The following PMPCB variants were observed in gnomAD, a reference collection of about 807,000 sequenced individuals.
PMPCB encodes the protein peptidase, mitochondrial processing subunit beta.
PMPCB carries 46 observed loss-of-function variants against 61.5 expected under a neutral mutation model. The ratio of observed to expected loss-of-function variants is 0.75; its 90% confidence interval spans 0.59 to 0.96. The LOEUF (loss-of-function observed/expected upper bound fraction) is 0.96. PMPCB is among the 40% of genes least tolerant of loss of function. The probability of loss-of-function intolerance (pLI) is 0.00; values close to 1 mark genes in which losing one functional copy is unlikely to be tolerated. For missense variants in PMPCB, 590 were observed against 602.4 expected (o/e 0.98, Z 0.22); for synonymous variants, 191 against 201.6 (o/e 0.95, Z 0.44).
downstream of PMPCB, among the ~76,000 whole-genome samples, chr7:103,315,082 C>T (rs1363526638): frequency 1.3e-5 from 2 of 152,078 alleles, no homozygotes; most frequent in African/African-American, 4.8e-5. Context: ...AAATTGACTT[C>T]ATGACCCAGT....
At chr7:103,298,526 A>T (rs1310906185) in intron 1 of PMPCB, 42 bp from the exon 2 acceptor site, 3 of 1,586,352 alleles carry the variant, frequency 1.9e-6, no homozygotes, top group Non-Finnish European at 2.6e-6. Context: ...CAGATTAGTA[A>T]TGTGTTTTGC....
At chr7:103,305,797 G>C (rs1008773391) in intron 6 of PMPCB, among the ~76,000 whole-genome samples, 1 of 152,164 alleles carries the variant, frequency 6.6e-6, no homozygotes, top group African/African-American at 2.4e-5. Context: ...ATTCTCTTGA[G>C]TAACATTGTT....
chr7:103,318,786 TAATCAAAAC>T (rs535964906), downstream of PMPCB, among the ~76,000 whole-genome samples: 145 of 152,364 alleles, frequency 9.5e-4, 2 homozygotes, highest in African/African-American at 3.4e-3. Flanking sequence ...ACTCAAGGAA[TAATCAAAAC>T]AATTATTTTT....
intron 12 of PMPCB, chr7:103,326,680 A>G: frequency 2.5e-6 from 4 of 1,599,744 alleles, no homozygotes; most frequent in Non-Finnish European, 3.4e-6. Context: ...ATAACATTTC[A>G]TAAGCTGAGA....
chr7:103,322,231 A>G, intron 12 of PMPCB: 1 of 635,420 alleles, frequency 1.6e-6, no homozygotes, highest in Non-Finnish European at 2.4e-6. Flanking sequence ...TCGGAAAGAC[A>G]GCTGGTAAAG....
At chr7:103,344,814 A>G in the PMPCB span, 1 of 613,866 alleles carries the variant, frequency 1.6e-6, no homozygotes. Flanking sequence ...CCAGTCTCAC[A>G]CCCTCCCACC....
the PMPCB span, chr7:103,337,541 A>G: frequency 8.7e-5 from 46 of 529,684 alleles, no homozygotes; most frequent in Admixed American, 1.5e-3. Flanking sequence ...GGGAAAGTCT[A>G]TATGTAAAAT....
Position 103,297,533 on chromosome 7 carries a change from T to C in PMPCB, c.74T>C (p.Leu25Pro). 1.2e-6 allele frequency: 2 copies of C among 1,609,220 alleles called. No individual in the cohort carries two copies. The highest frequency in any genetic ancestry group is 1.7e-6 in the Non-Finnish European group (2 of 1,177,178). The change falls in exon 1 of 13, where the codon CTT (leucine) becomes CCT (proline). Residue 25 changes from leucine to proline, a missense_variant. Leu to Pro is a moderately conservative substitution (Grantham distance 98, BLOSUM62 -3). Transcript: ENST00000249269. The stretch of plus-strand genomic sequence containing the variant: ...CGGCTCTGGGGTTTCAGCGAGAGTC[T>C]TCTAATCCGAGGCGCTGCGGGACGG... Reference protein sequence around the residue: ...RRRLWGFSESLLIRGAAGRSL... With the variant: ...RRRLWGFSESPLIRGAAGRSL...
At chr7:103,333,718 T>A (rs1001283895), downstream of PMPCB, among the ~76,000 whole-genome samples, 2 of 152,222 alleles carry the variant, frequency 1.3e-5, no homozygotes, top group African/African-American at 4.8e-5. Context: ...CACTTTTGCA[T>A]GTTCTTGAGC....
At chr7:103,299,910 CTA>C (rs113782725) in intron 3 of PMPCB, among the ~76,000 whole-genome samples, 7 of 150,476 alleles carry the variant, frequency 4.7e-5, no homozygotes, top group Admixed American at 2.0e-4. Flanking sequence ...CTGGGAGTAT[CTA>C]TATATATATA....
At chr7:103,342,085 G>A in the PMPCB span, 105 of 565,976 alleles carry the variant, frequency 1.9e-4, no homozygotes, top group Middle Eastern at 3.2e-4. Context: ...CACCGACTAC[G>A]AAAATAATTG....
At position 103,312,070 on chromosome 7, in the gene PMPCB, G is replaced by T. The variant is rs564001409; in HGVS notation, c.1344G>T (p.Glu448Asp). 1 of 1,613,788 alleles carries T rather than the reference G, an allele frequency of 6.2e-7. No individual in the cohort carries two copies. The highest frequency in any genetic ancestry group is 2.2e-5 in the East Asian group (1 of 44,856). The part of the protein sequence containing the change: ...LEARIDAVNA[E>D]TIREVCTKYI... ...CCATATTTCAGGCTGTGAATGCTGA[G>T]ACAATTCGAGAAGTATGTACCAAAT... is the stretch of plus-strand genomic sequence containing the variant. The change falls in exon 12 of 13, where the codon GAG (glutamate) becomes GAT (aspartate). Residue 448 changes from glutamate to aspartate, a missense_variant. By Grantham distance (45) the Glu-to-Asp change is conservative. Coordinates refer to ENST00000249269, the MANE Select transcript of PMPCB (RefSeq NM_004279.3).
Position 103,310,310 on chromosome 7 carries a change from TGCAG to T in PMPCB, c.994-4_994-1del. The T allele has an allele frequency of 6.2e-7, 1 of 1,609,230 alleles. No individual in the cohort carries two copies. Among genetic ancestry groups the T allele is most frequent in the Admixed American group, 1.7e-5 (1 of 58,658 alleles). Reference sequence around the variant, plus strand: ...AATTCTCTTGGAATTTTTTTTTCCTTGCAGAATTTATCTAGCAAGCTGGCCCAGC... The same window carrying T: ...AATTCTCTTGGAATTTTTTTTTCCTTAATTTATCTAGCAAGCTGGCCCAGC... On this transcript the variant is annotated splice_acceptor_variant and splice_polypyrimidine_tract_variant and intron_variant, in intron 8 of 12. Transcript: ENST00000249269. LOFTEE classifies it high-confidence loss of function.
Position 103,304,446 on chromosome 7 carries a change from C to T in PMPCB, c.692C>T (p.Thr231Ile). Residue 231 changes from threonine (T) to isoleucine (I), a missense_variant, in exon 6 of 13, where the codon ACC (threonine) becomes ATC (isoleucine). By Grantham distance (89) the Thr-to-Ile change is moderately conservative. Transcript: ENST00000249269. Reference sequence around the variant, plus strand: ...CGTAAGGACTTAGTGGATTATATAACCACACATTATAAGGGGCCAAGAATA... The same window carrying T: ...CGTAAGGACTTAGTGGATTATATAATCACACATTATAAGGGGCCAAGAATA... ...ISRKDLVDYI[T>I]THYKGPRIVL... is the part of the protein sequence containing the mutation. 1 of 1,606,078 alleles carries T rather than the reference C, an allele frequency of 6.2e-7. No homozygotes were observed. Among genetic ancestry groups the T allele is most frequent in the Non-Finnish European group, 8.5e-7 (1 of 1,172,832 alleles).
intron 12 of PMPCB, chr7:103,327,849 T>A (rs1490527554): frequency 7.3e-6 from 5 of 684,398 alleles, no homozygotes; most frequent in Non-Finnish European, 1.2e-5. Context: ...ATAAGGCTAA[T>A]ATTAGAATCT....
the PMPCB span, chr7:103,342,087 A>C: frequency 7.1e-6 from 4 of 560,950 alleles, no homozygotes; most frequent in Non-Finnish European, 1.1e-5. Flanking sequence ...CCGACTACGA[A>C]AATAATTGCA....
chr7:103,340,026 T>G, the PMPCB span, among the ~76,000 whole-genome samples: 1 of 152,056 alleles, frequency 6.6e-6, no homozygotes, highest in African/African-American at 2.4e-5. Flanking sequence ...TTAGTAGAGA[T>G]GGGGTTTCAC....
At chr7:103,330,003 G>A (rs759011492), downstream of PMPCB, among the ~76,000 whole-genome samples, 25 of 152,170 alleles carry the variant, frequency 1.6e-4, no homozygotes, top group Non-Finnish European at 2.9e-4. Flanking sequence ...TTAGGTAATA[G>A]CATTAATGCC....
At chr7:103,343,364 A>C in the PMPCB span, among the ~76,000 whole-genome samples, 1 of 152,218 alleles carries the variant, frequency 6.6e-6, no homozygotes, top group South Asian at 2.1e-4. Flanking sequence ...AGAATTCACT[A>C]ACAAGAATTT....
Sources: allele counts gnomAD v4.1 joint callset (sites outside exome capture counted in the v4.1 genomes callset), GRCh38; gene constraint gnomAD v4.1.1; transcripts MANE v1.5; gene names NCBI Gene and HGNC (gene_info 2026-07-23, HGNC 2026-07-21).